The following ERBB4 variants were observed in gnomAD, a reference collection of about 807,000 sequenced individuals.
The protein encoded by ERBB4 is erb-b2 receptor tyrosine kinase 4, also known as receptor tyrosine-protein kinase erbB-4.
A neutral mutation model predicts 158.0 loss-of-function variants in ERBB4; 42 were observed. The observed-to-expected ratio is 0.27, with a 90% confidence interval of 0.21 to 0.34. The LOEUF is 0.34. Ranked by LOEUF, ERBB4 falls within the 10% of genes least tolerant of loss-of-function variation. The pLI is 1.00. For synonymous variants in ERBB4, 583 were observed against 558.7 expected (o/e 1.04, Z -0.61); for missense variants, 1,333 against 1,624.1 (o/e 0.82, Z 3.08).
chr2:212,194,975 T>C (rs963073691), intron 1 of ERBB4, among the ~76,000 whole-genome samples: 1 of 151,982 alleles, frequency 6.6e-6, no homozygotes, highest in Non-Finnish European at 1.5e-5. Context: ...CTGAAGTTTT[T>C]AAAAATGCAT....
At chr2:211,867,368 T>A (rs946198522) in intron 3 of ERBB4, among the ~76,000 whole-genome samples, 2 of 152,180 alleles carry the variant, frequency 1.3e-5, no homozygotes, top group Non-Finnish European at 2.9e-5. Flanking sequence ...TTTCTGCAAA[T>A]ATATAGATCT....
At chr2:211,825,856 T>C (rs1484365564) in intron 3 of ERBB4, among the ~76,000 whole-genome samples, 1 of 147,022 alleles carries the variant, frequency 6.8e-6, no homozygotes, top group South Asian at 2.1e-4. Flanking sequence ...TATTTTATTA[T>C]ATTATATTAA....
rs574586835 is a variant in ERBB4, at chr2:212,063,679, A to G, written c.234+61073T>C. ...TTTAGGGATGGCAAAAACAAACGTA[A>G]AAATTAAAACAAAACCTAATAAAAT... On this transcript the variant is annotated intron_variant, in intron 2 of 27. Coordinates refer to ENST00000342788, the MANE Select transcript of ERBB4 (RefSeq NM_005235.3). Among the ~76,000 whole-genome samples, 24 of 152,348 alleles carry G rather than the reference A, an allele frequency of 1.6e-4. No homozygotes were observed. In the East Asian group the frequency reaches 4.6e-3, roughly 29 times the overall value.
At chr2:211,408,178 T>G (rs2063183757) in intron 25 of ERBB4, among the ~76,000 whole-genome samples, 2 of 152,220 alleles carry the variant, frequency 1.3e-5, no homozygotes, top group Non-Finnish European at 2.9e-5. Context: ...ACTTCTATTA[T>G]ATAAAGGGTA....
intron 1 of ERBB4, among the ~76,000 whole-genome samples, chr2:212,164,826 T>C (rs905360822): frequency 6.6e-6 from 1 of 152,076 alleles, no homozygotes; most frequent in African/African-American, 2.4e-5. Flanking sequence ...AATTTAATTT[T>C]GCCTTGATCA....
At chr2:211,756,471 A>G (rs888639398) in intron 4 of ERBB4, among the ~76,000 whole-genome samples, 2 of 152,202 alleles carry the variant, frequency 1.3e-5, no homozygotes, top group African/African-American at 4.8e-5. Flanking sequence ...GAGCTTACAA[A>G]GTATCACGAA....
chr2:212,272,069 T>A (rs2085363010), intron 1 of ERBB4, among the ~76,000 whole-genome samples: 1 of 151,708 alleles, frequency 6.6e-6, no homozygotes. Context: ...CCAGTTTTCA[T>A]AGCAATTAAC....
rs541477638 is a variant in ERBB4, at chr2:212,476,581, G to A, written c.82+61868C>T. On this transcript the variant is annotated intron_variant, in intron 1 of 27. Coordinates refer to ENST00000342788, the MANE Select transcript of ERBB4 (RefSeq NM_005235.3). ...TCTGAAGATTTCTAAAAATTATTAG[G>A]TAGTGTCTTTGTTTAGATTGTATGT... 2.6e-5 allele frequency among the ~76,000 whole-genome samples: 4 copies of A among 152,134 alleles called. No individual in the cohort carries two copies. In the South Asian group the frequency reaches 8.3e-4, roughly 32 times the overall value.
At chr2:211,738,650 G>T (rs1385617195) in intron 5 of ERBB4, among the ~76,000 whole-genome samples, 1 of 151,036 alleles carries the variant, frequency 6.6e-6, no homozygotes, top group Non-Finnish European at 1.5e-5. Context: ...GCGGTTACAG[G>T]CATGAGCCAC....
intron 16 of ERBB4, among the ~76,000 whole-genome samples, chr2:211,639,850 T>A (rs936196483): frequency 6.6e-6 from 1 of 151,978 alleles, no homozygotes; most frequent in Non-Finnish European, 1.5e-5. Flanking sequence ...GCCTCCCAAA[T>A]AGCTGAGATT....
chr2:211,400,773 A>G (rs539593624), intron 25 of ERBB4, among the ~76,000 whole-genome samples: 6 of 150,582 alleles, frequency 4.0e-5, no homozygotes, highest in Admixed American at 1.3e-4. Flanking sequence ...AAATAAATAA[A>G]AACATATAAC....
intron 20 of ERBB4, among the ~76,000 whole-genome samples, chr2:211,495,705 C>T (rs2065452169): frequency 6.6e-6 from 1 of 152,062 alleles, no homozygotes; most frequent in South Asian, 2.1e-4. Flanking sequence ...CACAGATGGA[C>T]ATTAACATTT....
intron 3 of ERBB4, among the ~76,000 whole-genome samples, chr2:211,824,561 A>G (rs2105951265): frequency 6.6e-6 from 1 of 152,172 alleles, no homozygotes; most frequent in African/African-American, 2.4e-5. Flanking sequence ...GAGAAAAACG[A>G]AATGCTACTT....
intron 25 of ERBB4, among the ~76,000 whole-genome samples, chr2:211,403,318 T>C (rs577768257): frequency 3.0e-4 from 46 of 152,300 alleles, no homozygotes; most frequent in Admixed American, 2.6e-3. Context: ...AAGGTTAATA[T>C]GCTGTAAGAT....
intron 12 of ERBB4, among the ~76,000 whole-genome samples, chr2:211,697,707 T>TTA (rs1330037688): frequency 6.6e-6 from 1 of 152,196 alleles, no homozygotes; most frequent in African/African-American, 2.4e-5. Flanking sequence ...TCACTGAAAT[T>TTA]TAAAACCATA....
At chr2:211,687,166 G>A (rs1399811300) in intron 12 of ERBB4, among the ~76,000 whole-genome samples, 11 of 151,116 alleles carry the variant, frequency 7.3e-5, no homozygotes, top group East Asian at 1.9e-4. Context: ...TTAGCCAGGC[G>A]TGGTGGTGGG....
At chr2:211,573,374 A>C (rs2067792500) in intron 19 of ERBB4, among the ~76,000 whole-genome samples, 1 of 152,174 alleles carries the variant, frequency 6.6e-6, no homozygotes, top group Non-Finnish European at 1.5e-5. Context: ...AATTTCAGTT[A>C]AATTGTTTCA....
intron 1 of ERBB4, among the ~76,000 whole-genome samples, chr2:212,504,128 CT>C (rs1204951536): frequency 6.6e-6 from 1 of 152,110 alleles, no homozygotes; most frequent in Non-Finnish European, 1.5e-5. Flanking sequence ...TGATTAGAGA[CT>C]ACTACTGCAA....
chr2:212,333,138 T>A (rs970737907), intron 1 of ERBB4, among the ~76,000 whole-genome samples: 1 of 152,002 alleles, frequency 6.6e-6, no homozygotes, highest in Non-Finnish European at 1.5e-5. Flanking sequence ...GTATAAAATA[T>A]CAGAATTTAG....
Sources: gnomAD v4.1 joint callset for allele counts (sites outside exome capture counted in the v4.1 genomes callset) on GRCh38, gnomAD v4.1.1 for gene constraint, MANE v1.5 for transcripts, NCBI Gene and HGNC (gene_info 2026-07-23, HGNC 2026-07-21) for gene names.